Variants in KIF1A observed in about 807,000 individuals in gnomAD.
KIF1A encodes kinesin-like protein KIF1A.
KIF1A carries 46 observed loss-of-function variants against 227.3 expected under a neutral mutation model. The ratio of observed to expected loss-of-function variants is 0.20; its 90% confidence interval spans 0.16 to 0.26. KIF1A has a LOEUF of 0.26. Ranked by LOEUF, KIF1A falls within the 10% of genes least tolerant of loss-of-function variation. The probability of loss-of-function intolerance (pLI) is 1.00; values close to 1 mark genes in which losing one functional copy is unlikely to be tolerated. For missense variants in KIF1A, 1,683 were observed against 2,485.9 expected, an observed-to-expected ratio of 0.68 and a Z score of 6.87; for synonymous variants, 1,022 against 1,012.8, an observed-to-expected ratio of 1.01 and a Z score of -0.17.
At chr2:240,795,916 C>T (rs1041794309) in intron 2 of KIF1A, among the ~76,000 whole-genome samples, 5 of 152,176 alleles carry the variant, frequency 3.3e-5, no homozygotes, top group African/African-American at 9.7e-5. Context: ...TTTAGCTGCT[C>T]GACGGGTCTG....
At chr2:240,794,450 C>A (rs2056133894) in intron 2 of KIF1A, among the ~76,000 whole-genome samples, 1 of 152,222 alleles carries the variant, frequency 6.6e-6, no homozygotes, top group South Asian at 2.1e-4. Context: ...CACACGGCCT[C>A]ACTCTTGGGC....
At chr2:240,744,122 A>G (rs1438281293) in intron 32 of KIF1A, 62 bp from the exon 33 acceptor site, 11 of 1,130,308 alleles carry the variant, frequency 9.7e-6, no homozygotes, top group Non-Finnish European at 1.3e-5. Context: ...AGGGGGAAGG[A>G]GAGTCACATC....
chr2:240,729,566 G>A (rs942336470), intron 38 of KIF1A, among the ~76,000 whole-genome samples: 1 of 152,202 alleles, frequency 6.6e-6, no homozygotes, highest in Non-Finnish European at 1.5e-5. Flanking sequence ...GCCCAGCCAG[G>A]GGCTGCTCCT....
At chr2:240,772,507 T>G in intron 14 of KIF1A, 63 bp downstream of exon 14, 5 of 1,436,182 alleles carry the variant, frequency 3.5e-6, no homozygotes, top group South Asian at 1.2e-5. Flanking sequence ...CATGCCACCC[T>G]AGGCCCTCAT....
chr2:240,797,787 T>TG lies in KIF1A; in HGVS notation c.-36dup. 1 of 1,391,788 alleles carries TG rather than the reference T, an allele frequency of 7.2e-7. No individual in the cohort carries two copies. Among genetic ancestry groups the TG allele is most frequent in the Non-Finnish European group, 1.0e-6 (1 of 990,470 alleles). The allele number at this position is 1,391,788 out of a possible 1,614,324, so 86.2% of individuals were successfully genotyped here. A position where few individuals can be genotyped will look rare whatever the true frequency, so the allele number is the denominator to read the frequency against. ...CTTCGTGGGTCACTCCTCGCAGTAG[T>TG]GGGAGCCCCAGTGTGGGGGGAACAC... On this transcript the variant is annotated 5_prime_UTR_variant, in exon 2 of 49. Transcript: ENST00000498729.
At position 240,788,237 on chromosome 2, in the gene KIF1A, G is replaced by A. The variant is rs1435027148; in HGVS notation, c.184-7C>T. ...CGTAGTTGATGTCCTCAGGCTGGAG[G>A]ACGAGGAAGGAATGAAGTTGCAGGA... On this transcript the variant is annotated splice_polypyrimidine_tract_variant and splice_region_variant and intron_variant, in intron 3 of 48. Coordinates refer to ENST00000498729, the MANE Select transcript of KIF1A (RefSeq NM_001244008.2). This position sits in a 1 kb window ranked among gnomAD's most constrained non-coding sequence, Gnocchi z 6.6. 4 of 1,613,342 alleles carry A rather than the reference G, an allele frequency of 2.5e-6. No homozygotes were observed. Among genetic ancestry groups the A allele is most frequent in the Non-Finnish European group, 3.4e-6 (4 of 1,179,704 alleles).
chr2:240,741,622 A>G (rs560193574), intron 34 of KIF1A, among the ~76,000 whole-genome samples: 114 of 152,344 alleles, frequency 7.5e-4, no homozygotes, highest in Non-Finnish European at 1.0e-3. Flanking sequence ...GGAAAGGCAC[A>G]TGGCCATGTA....
intron 13 of KIF1A, among the ~76,000 whole-genome samples, chr2:240,772,834 T>C (rs550791764): frequency 6.6e-5 from 10 of 152,276 alleles, no homozygotes; most frequent in East Asian, 1.9e-4. Flanking sequence ...TGCATCAGCA[T>C]TGAACCCAAA....
chr2:240,755,152 G>A (rs867696924), intron 27 of KIF1A, among the ~76,000 whole-genome samples: 15 of 152,220 alleles, frequency 9.9e-5, no homozygotes, highest in Middle Eastern at 3.2e-3. Flanking sequence ...GCCTCCCCAG[G>A]TCACCTGGTG....
rs1395596338 is a variant in KIF1A at position 240,716,714 on chromosome 2, C to G, written c.*650G>C. 6.6e-6 allele frequency: 1 copy of G among 152,396 alleles called. No individual in the cohort carries two copies. Among genetic ancestry groups the G allele is most frequent in the Admixed American group, 6.6e-5 (1 of 15,266 alleles). The allele number at this position is 152,396 out of a possible 1,614,324, so 9.4% of individuals were successfully genotyped here. On this transcript the variant is annotated 3_prime_UTR_variant, in exon 49 of 49. Coordinates refer to ENST00000498729, the MANE Select transcript of KIF1A (RefSeq NM_001244008.2). ...GCGCAGACTTCAGGCACCAAAGACA[C>G]CCCCCCACTCTCCCACACATACACC...
intron 25 of KIF1A, among the ~76,000 whole-genome samples, chr2:240,759,984 C>A (rs1413659807): frequency 1.3e-5 from 2 of 151,572 alleles, no homozygotes; most frequent in Admixed American, 1.3e-4. Context: ...CCACTGCACT[C>A]TAGCCTGAGC....
chr2:240,746,363 C>T (rs1036027703), intron 29 of KIF1A, among the ~76,000 whole-genome samples, 186 bp from the exon 30 acceptor site: 4 of 152,196 alleles, frequency 2.6e-5, no homozygotes, highest in African/African-American at 9.7e-5. Context: ...TCTCAGTTTT[C>T]CCTGCTGTGG....
intron 42 of KIF1A, 55 bp from the exon 43 acceptor site, chr2:240,722,711 T>C (rs2045552737): frequency 8.0e-6 from 11 of 1,382,406 alleles, no homozygotes; most frequent in Non-Finnish European, 1.1e-5. Flanking sequence ...ACCTCCGGAG[T>C]TGTGCTCAGC....
Position 240,788,035 on chromosome 2 carries a change from GC to G in KIF1A, c.363+15del. 1.6e-5 allele frequency: 12 copies of G among 729,626 alleles called. No homozygotes were observed. The highest frequency in any genetic ancestry group is 4.1e-5 in the South Asian group (2 of 48,770). 45.2% of individuals were successfully genotyped at this position (729,626 alleles called of 1,614,324 possible). On this transcript the variant is annotated intron_variant, in intron 4 of 48. Transcript: ENST00000498729. This position sits in a 1 kb window ranked among gnomAD's most constrained non-coding sequence, Gnocchi z 6.6. Reference sequence around the variant, plus strand: ...CCATCTGCCAGGGCTGCCCCCGCCCGCCCCCCGCTTCGTGCCTGTGGGATGA... The same window carrying G: ...CCATCTGCCAGGGCTGCCCCCGCCCGCCCCCGCTTCGTGCCTGTGGGATGA...
At chr2:240,749,567 G>A (rs1044385678) in intron 28 of KIF1A, among the ~76,000 whole-genome samples, 7 of 152,208 alleles carry the variant, frequency 4.6e-5, no homozygotes, top group Non-Finnish European at 8.8e-5. Context: ...GAGGAGCCCG[G>A]GGCAGGCAGG....
At chr2:240,721,389 G>A (rs1314232740) in intron 44 of KIF1A, among the ~76,000 whole-genome samples, 1 of 152,262 alleles carries the variant, frequency 6.6e-6, no homozygotes, top group Non-Finnish European at 1.5e-5. Context: ...CATGGGCCAG[G>A]GCTGGAGCTC....
rs2054212033 is a variant in KIF1A, at chr2:240,782,587, T to C, written c.882+3A>G. On this transcript the variant is annotated splice_donor_region_variant and intron_variant, in intron 10 of 48. Coordinates refer to ENST00000498729, the MANE Select transcript of KIF1A (RefSeq NM_001244008.2). ...TGCCCCGGGGCTGAAGGAAGCCGCTTACCTTGTTGGGTCCGGAGTCCTGAA... is the reference window on the plus strand; with the variant it reads ...TGCCCCGGGGCTGAAGGAAGCCGCTCACCTTGTTGGGTCCGGAGTCCTGAA... 1.3e-6 allele frequency: 2 copies of C among 1,552,560 alleles called. No homozygotes were observed. Among genetic ancestry groups the C allele is most frequent in the Non-Finnish European group, 1.7e-6 (2 of 1,147,928 alleles).
chr2:240,719,868 C>T lies in KIF1A; in HGVS notation c.4927G>A (p.Asp1643Asn), dbSNP rs200141437. The change falls in exon 46 of 49, where the codon GAC becomes AAC. Residue 1643 changes from aspartate to asparagine, a missense_variant. Transcript: ENST00000498729. ...GCAGGGGAAGGGAGCTTCTTGGAGT[C>T]GGCCTCTGGCAGCAGCTCGGGCTCT... ...SPEPELLPEA[D>N]SKKLPSPARA... is the part of the protein sequence containing the mutation. The T allele has an allele frequency of 4.6e-4, 740 of 1,611,898 alleles. No homozygotes were observed. The highest frequency in any genetic ancestry group is 3.2e-3 in the Middle Eastern group (19 of 5,894).
intron 38 of KIF1A, chr2:240,728,425 G>A (rs2046268283): frequency 7.7e-7 from 1 of 1,300,142 alleles, no homozygotes; most frequent in African/African-American, 1.5e-5. Flanking sequence ...AAAGGTGGAG[G>A]CAGCCAGGAC....
Sources: allele counts gnomAD v4.1 joint callset (sites outside exome capture counted in the v4.1 genomes callset), GRCh38; gene constraint gnomAD v4.1.1; non-coding constraint Gnocchi (gnomAD v3.1); transcripts MANE v1.5; gene names NCBI Gene and HGNC (gene_info 2026-07-23, HGNC 2026-07-21).